VAV2: variants seen among roughly 807,000 people sequenced by gnomAD.
The protein encoded by VAV2 is guanine nucleotide exchange factor VAV2.
VAV2 carries 67 observed loss-of-function variants against 132.5 expected under a neutral mutation model. The ratio of observed to expected loss-of-function variants is 0.51; its 90% CI spans 0.42 to 0.62. The LOEUF (loss-of-function observed/expected upper bound fraction) is 0.62, where lower values mean the gene tolerates loss of function less well. VAV2 is among the 20% of genes least tolerant of loss of function. The pLI is 0.00. For missense variants in VAV2, 938 were observed against 1,153.6 expected, an observed-to-expected ratio of 0.81 and a Z score of 2.71; for synonymous variants, 492 against 443.5, an observed-to-expected ratio of 1.11 and a Z score of -1.37.
intron 3 of VAV2, among the ~76,000 whole-genome samples, chr9:133,848,930 A>G (rs1195655063): frequency 6.6e-6 from 1 of 152,136 alleles, no homozygotes; most frequent in Non-Finnish European, 1.5e-5. Flanking sequence ...CTGTTCCGGG[A>G]CATTCTTAAT....
At chr9:133,843,126 C>T (rs1322327992) in intron 3 of VAV2, among the ~76,000 whole-genome samples, 9 of 152,196 alleles carry the variant, frequency 5.9e-5, no homozygotes, top group Admixed American at 3.9e-4. Flanking sequence ...GAGGCCAGGT[C>T]GAACCCGGCT....
In VAV2 at chr9:133,763,947, T is replaced by C; in HGVS notation, c.*115A>G. The C allele has an allele frequency of 7.8e-7, 1 of 1,277,626 alleles. No individual in the cohort carries two copies. The highest frequency in any genetic ancestry group is 1.1e-6 in the Non-Finnish European group (1 of 883,940). 79.1% of individuals were successfully genotyped at this position (1,277,626 alleles called of 1,614,324 possible). A position where few individuals can be genotyped will look rare whatever the true frequency, so the allele number is the denominator to read the frequency against. On this transcript the variant is annotated 3_prime_UTR_variant, in exon 30 of 30. Coordinates refer to ENST00000371850, the MANE Select transcript of VAV2 (RefSeq NM_001134398.2). This position sits in a 1 kb window ranked among gnomAD's most constrained non-coding sequence, Gnocchi z 6.8. ...ACACCCTCCCTATCCCTGTGGGCAG[T>C]GGAAGACTGGGAGGTTGGTATTTCC...
rs962331479 is a variant in VAV2, at chr9:133,780,595, T to C, written c.1740+99A>G. ...GCTCATCCAAGCCGGTGTGGCCCCATGAGTGGTGAAAGGCAGACAATTGGG... is the reference window on the plus strand; with the variant it reads ...GCTCATCCAAGCCGGTGTGGCCCCACGAGTGGTGAAAGGCAGACAATTGGG... On this transcript the variant is annotated intron_variant, in intron 20 of 29. Transcript: ENST00000371850. 4.4e-5 allele frequency: 56 copies of C among 1,260,412 alleles called. No homozygotes were observed. In the African/African-American group the frequency reaches 7.5e-4, roughly 17 times the overall value. The allele number at this position is 1,260,412 out of a possible 1,614,324, so 78.1% of individuals were successfully genotyped here.
chr9:133,776,639 C>T (rs1332882542), intron 23 of VAV2, among the ~76,000 whole-genome samples: 2 of 152,204 alleles, frequency 1.3e-5, no homozygotes, highest in Admixed American at 1.3e-4. Flanking sequence ...GAACCTGCCC[C>T]AGGCCACCTA....
At chr9:133,906,217 T>A (rs1214291477) in intron 2 of VAV2, among the ~76,000 whole-genome samples, 3 of 152,108 alleles carry the variant, frequency 2.0e-5, no homozygotes, top group Non-Finnish European at 4.4e-5. Context: ...CCTGCACACA[T>A]CACCGTGTGC....
intron 2 of VAV2, among the ~76,000 whole-genome samples, chr9:133,892,507 A>C (rs2519773): frequency 6.6e-6 from 1 of 151,988 alleles, no homozygotes; most frequent in African/African-American, 2.4e-5. Context: ...CTTGGCCAAG[A>C]TCATCCCAGG....
chr9:133,867,768 C>T (rs1837865356), intron 2 of VAV2, among the ~76,000 whole-genome samples: 3 of 152,374 alleles, frequency 2.0e-5, no homozygotes, highest in South Asian at 4.1e-4. Context: ...TCGCATCCAG[C>T]GACCCATCCA....
intron 25 of VAV2, among the ~76,000 whole-genome samples, chr9:133,773,768 T>C (rs1206288021): frequency 1.3e-5 from 2 of 152,198 alleles, no homozygotes; most frequent in African/African-American, 2.4e-5. Context: ...AGAAGGAGTA[T>C]GCTCTAAAAT....
chr9:133,892,504 A>G (rs1325054085), intron 2 of VAV2, among the ~76,000 whole-genome samples: 1 of 152,116 alleles, frequency 6.6e-6, no homozygotes, highest in East Asian at 1.9e-4. Context: ...TCACTTGGCC[A>G]AGATCATCCC....
intron 4 of VAV2, among the ~76,000 whole-genome samples, chr9:133,828,649 A>C (rs1836143846): frequency 6.6e-6 from 1 of 152,244 alleles, no homozygotes; most frequent in South Asian, 2.1e-4. Flanking sequence ...AGGCATTTCG[A>C]CGTGGGCCCT....
intron 3 of VAV2, among the ~76,000 whole-genome samples, chr9:133,846,314 CGGCACCTCCTGTT>C (rs1564401131): frequency 6.6e-6 from 1 of 152,146 alleles, no homozygotes; most frequent in African/African-American, 2.4e-5. Context: ...CACCTCCTGT[CGGCACCTCCTGTT>C]GGCTACCAGC....
chr9:133,946,854 A>G (rs1049095930), intron 1 of VAV2, among the ~76,000 whole-genome samples: 5 of 152,232 alleles, frequency 3.3e-5, no homozygotes, highest in Non-Finnish European at 5.9e-5. Context: ...AGGTAGATAA[A>G]CAGGTGACCC....
chr9:133,974,389 C>T (rs12337823), intron 1 of VAV2, among the ~76,000 whole-genome samples: 13,898 of 152,220 alleles, frequency 0.091, 734 homozygotes, highest in African/African-American at 0.14. Flanking sequence ...GAGGCAGCCA[C>T]TCGCCGGGTG....
At chr9:133,906,608 A>G (rs945691705) in intron 2 of VAV2, among the ~76,000 whole-genome samples, 1 of 152,152 alleles carries the variant, frequency 6.6e-6, no homozygotes, top group African/African-American at 2.4e-5. Flanking sequence ...CGGAGCCTCA[A>G]GGCACCCCTG....
In VAV2 at chr9:133,901,177, C is replaced by T. The variant is rs192388257; in HGVS notation, c.321+37926G>A. ...AACACTCTCAACTGATATTGAAAACCATGGCCCAGTTTTAGGAACATTTCA... is the reference window on the plus strand; with the variant it reads ...AACACTCTCAACTGATATTGAAAACTATGGCCCAGTTTTAGGAACATTTCA... On this transcript the variant is annotated intron_variant, in intron 2 of 29. Coordinates refer to ENST00000371850, the MANE Select transcript of VAV2 (RefSeq NM_001134398.2). Among the ~76,000 whole-genome samples the T allele has an allele frequency of 2.0e-5, 3 of 152,194 alleles. No homozygotes were observed. The South Asian group carries it at 6.2e-4, about 32-fold the overall frequency.
intron 2 of VAV2, among the ~76,000 whole-genome samples, chr9:133,914,305 T>G (rs1006377011): frequency 1.3e-5 from 2 of 152,158 alleles, no homozygotes; most frequent in African/African-American, 2.4e-5. Context: ...TGTTCAGAAA[T>G]GCACCGGGAC....
chr9:133,925,014 G>C (rs1180459901), intron 2 of VAV2, among the ~76,000 whole-genome samples: 2 of 152,170 alleles, frequency 1.3e-5, no homozygotes, highest in Non-Finnish European at 1.5e-5. Flanking sequence ...TCCAGAACAG[G>C]CAAATCCACA....
At chr9:133,903,246 A>T (rs1839514258) in intron 2 of VAV2, among the ~76,000 whole-genome samples, 1 of 152,124 alleles carries the variant, frequency 6.6e-6, no homozygotes, top group Non-Finnish European at 1.5e-5. Flanking sequence ...CTGATCTCAG[A>T]CTTCCAGCCT....
intron 13 of VAV2, among the ~76,000 whole-genome samples, chr9:133,790,538 C>T (rs755035463): frequency 1.8e-4 from 27 of 152,292 alleles, no homozygotes; most frequent in Middle Eastern, 6.8e-3. Flanking sequence ...CAAAACAAAA[C>T]GAACTTTTCT....
Sources: gnomAD v4.1 joint callset for allele counts (sites outside exome capture counted in the v4.1 genomes callset) on GRCh38, gnomAD v4.1.1 for gene constraint, Gnocchi (gnomAD v3.1) non-coding constraint, MANE v1.5 for transcripts, NCBI Gene and HGNC (gene_info 2026-07-23, HGNC 2026-07-21) for gene names.